The following SHISA4 variants were observed in gnomAD, a reference collection of about 807,000 sequenced individuals.
The protein encoded by SHISA4 is protein shisa-4.
Under a neutral mutation model 24.2 loss-of-function variants are expected in SHISA4, and 16 were observed. The observed-to-expected ratio is 0.66, with a 90% CI of 0.45 to 1.00. SHISA4 has a LOEUF of 1.00. Ranked by LOEUF, SHISA4 falls within the 50% of genes least tolerant of loss-of-function variation. SHISA4 has a pLI of 0.00. For missense variants in SHISA4, 238 were observed against 258.9 expected, an observed-to-expected ratio of 0.92 and a Z score of 0.55; for synonymous variants, 106 against 105.4, an observed-to-expected ratio of 1.01 and a Z score of -0.04.
In SHISA4 at chr1:201,891,826, C is replaced by T; in HGVS notation, c.574C>T (p.Pro192Ser). 2 of 1,614,120 alleles carry T rather than the reference C, an allele frequency of 1.2e-6. No individual in the cohort carries two copies. The highest frequency in any genetic ancestry group is 1.7e-6 in the Non-Finnish European group (2 of 1,179,996). Reference protein sequence around the residue: ...AAPPPYMPPQPSYPGA With the variant: ...AAPPPYMPPQSSYPGA Reference sequence around the variant, plus strand: ...TCCTCCTCCCTATATGCCACCACAGCCCTCTTACCCGGGAGCCTGAGGAAC... The same window carrying T: ...TCCTCCTCCCTATATGCCACCACAGTCCTCTTACCCGGGAGCCTGAGGAAC... Residue 192 changes from proline to serine, a missense_variant, in exon 5 of 5, where the codon CCC (proline) becomes TCC (serine). Coordinates refer to ENST00000362011, the MANE Select transcript of SHISA4 (RefSeq NM_198149.3).
At chr1:201,889,670 C>T in intron 2 of SHISA4, 54 bp downstream of exon 2, 1 of 1,581,030 alleles carries the variant, frequency 6.3e-7, no homozygotes, top group South Asian at 1.1e-5. Context: ...TCTCCAGAGG[C>T]CTCCTCTTCC....
At position 201,891,422 on chromosome 1, in the gene SHISA4, G is replaced by T. The variant is rs745916218; in HGVS notation, c.401G>T (p.Gly134Val). 6.2e-7 allele frequency: 1 copy of T among 1,613,794 alleles called. No homozygotes were observed. The highest frequency in any genetic ancestry group is 8.5e-7 in the Non-Finnish European group (1 of 1,179,894). ...CTAGGCCAGGAGATTCCAATGACAG[G>T]CATCCCAGTGCAGCCAGTATACCCA... ...PFEGQEIPMT[G>V]IPVQPVYPYP... The change falls in exon 4 of 5, where the codon GGC becomes GTC. Residue 134 changes from glycine to valine, a missense_variant. Gly to Val is a moderately radical substitution (Grantham distance 109). Transcript: ENST00000362011.
chr1:201,891,293 G>C, intron 3 of SHISA4, 108 bp from the exon 4 acceptor site: 6 of 1,379,396 alleles, frequency 4.3e-6, no homozygotes, highest in Non-Finnish European at 6.1e-6. Context: ...CCAGCCTGGA[G>C]CTTGCCAGAG....
At position 201,891,917 on chromosome 1, in the gene SHISA4, A is replaced by C. The variant is rs1392657477; in HGVS notation, c.*71A>C. The stretch of plus-strand genomic sequence containing the variant: ...GGAGATGCCCTCATCCTGTACCTGC[A>C]TCTGGTCCTGGGGGTGGCAGGAGTC... On this transcript the variant is annotated 3_prime_UTR_variant, in exon 5 of 5. Coordinates refer to ENST00000362011, the MANE Select transcript of SHISA4 (RefSeq NM_198149.3). 1 of 1,577,150 alleles carries C rather than the reference A, an allele frequency of 6.3e-7. No individual in the cohort carries two copies. Among genetic ancestry groups the C allele is most frequent in the East Asian group, 2.2e-5 (1 of 44,664 alleles).
At chr1:201,890,303 A>G in intron 2 of SHISA4, 151 bp from the exon 3 acceptor site, 1 of 1,004,852 alleles carries the variant, frequency 1.0e-6, no homozygotes, top group South Asian at 1.6e-5. Context: ...GTCCTCTAAG[A>G]TCTCCTTCAC....
At chr1:201,888,695 C>T (rs947482772), upstream of SHISA4, 4 of 312,746 alleles carry the variant, frequency 1.3e-5, no homozygotes, top group Non-Finnish European at 1.8e-5. Flanking sequence ...CATGGTGGCT[C>T]GGATGGGAGG....
chr1:201,889,648 C>G (rs1571567088), intron 2 of SHISA4, 32 bp downstream of exon 2: 1 of 1,609,938 alleles, frequency 6.2e-7, no homozygotes, highest in Non-Finnish European at 8.5e-7. Context: ...CTCACCACCT[C>G]CTCTATCCTT....
rs1238841379 is a variant in SHISA4 at position 201,892,051 on chromosome 1, G to A, written c.*205G>A. 9.9e-6 allele frequency: 6 copies of A among 608,496 alleles called. No homozygotes were observed. The Admixed American group carries it at 1.2e-4, about 12-fold the overall frequency. 37.7% of individuals were successfully genotyped at this position (608,496 alleles called of 1,614,324 possible). ...TAGAACTATGAGGGGTTGGGGGGAG[G>A]GCTTGGAATTATGGGCTATTTTTAC... On this transcript the variant is annotated 3_prime_UTR_variant, in exon 5 of 5. Coordinates refer to ENST00000362011, the MANE Select transcript of SHISA4 (RefSeq NM_198149.3).
At chr1:201,889,153 T>C (rs2102901465) in intron 1 of SHISA4, 86 bp downstream of exon 1, 2 of 1,245,320 alleles carry the variant, frequency 1.6e-6, no homozygotes, top group Admixed American at 3.0e-5. Context: ...GGCTCGGGGC[T>C]TCTCCGAGAC....
In SHISA4 at chr1:201,891,796, T is replaced by C; in HGVS notation, c.548-4T>C. 2.5e-6 allele frequency: 4 copies of C among 1,614,088 alleles called. No homozygotes were observed. The highest frequency in any genetic ancestry group is 2.5e-6 in the Non-Finnish European group (3 of 1,179,998). On this transcript the variant is annotated splice_region_variant and splice_polypyrimidine_tract_variant and intron_variant, in intron 4 of 4. Transcript: ENST00000362011. ...CACCCTCATCCTGTCTCTTTGGCTT[T>C]CAGCTCCTCCTCCCTATATGCCACC...
At chr1:201,889,644 A>G (rs1168264615) in intron 2 of SHISA4, 28 bp downstream of exon 2, 4 of 1,606,222 alleles carry the variant, frequency 2.5e-6, no homozygotes, top group African/African-American at 2.7e-5. Context: ...CACCCTCACC[A>G]CCTCCTCTAT....
chr1:201,888,976 G>T lies in SHISA4; in HGVS notation c.-19G>T. On this transcript the variant is annotated 5_prime_UTR_variant, in exon 1 of 5. Transcript: ENST00000362011. ...CCCTTCTCTGGGAGGCCCGACCCCG[G>T]CCGCGCCCAGCCCCCACCATGCCAC... The T allele has an allele frequency of 1.4e-6, 2 of 1,380,240 alleles. No individual in the cohort carries two copies. The highest frequency in any genetic ancestry group is 1.9e-6 in the Non-Finnish European group (2 of 1,064,728). The allele number at this position is 1,380,240 out of a possible 1,614,324, so 85.5% of individuals were successfully genotyped here.
At position 201,889,002 on chromosome 1, in the gene SHISA4, C is replaced by T. The variant is rs1292799931; in HGVS notation, c.8C>T (p.Pro3Leu). ...CCGCGCCCAGCCCCCACCATGCCACCCGCGGGGCTCCGCCGGGCCGCGCCG... is the reference window on the plus strand; with the variant it reads ...CCGCGCCCAGCCCCCACCATGCCACTCGCGGGGCTCCGCCGGGCCGCGCCG... MP[P>L]AGLRRAAPLT... The change falls in exon 1 of 5, where the codon CCC becomes CTC. Residue 3 changes from proline (P) to leucine (L), a missense_variant. Physicochemically the swap from Pro to Leu is moderately conservative, Grantham distance 98. Transcript: ENST00000362011. 2.2e-6 allele frequency: 3 copies of T among 1,388,392 alleles called. No individual in the cohort carries two copies. Among genetic ancestry groups the T allele is most frequent in the Non-Finnish European group, 2.8e-6 (3 of 1,070,216 alleles). The allele number at this position is 1,388,392 out of a possible 1,614,324, so 86.0% of individuals were successfully genotyped here.
At chr1:201,891,656 C>T (rs1233459347) in intron 4 of SHISA4, 88 bp downstream of exon 4, 1 of 1,536,018 alleles carries the variant, frequency 6.5e-7, no homozygotes, top group Non-Finnish European at 8.9e-7. Flanking sequence ...TTCTCAGATT[C>T]CCTCTCCCAG....
rs1681110826 is a variant in SHISA4 at position 201,892,042 on chromosome 1, T to G, written c.*196T>G. 1.6e-6 allele frequency: 1 copy of G among 622,846 alleles called. No homozygotes were observed. Among genetic ancestry groups the G allele is most frequent in the Non-Finnish European group, 2.8e-6 (1 of 355,060 alleles). 38.6% of individuals were successfully genotyped at this position (622,846 alleles called of 1,614,324 possible). A position where few individuals can be genotyped will look rare whatever the true frequency, so the allele number is the denominator to read the frequency against. ...GAGCTGAACTAGAACTATGAGGGGTTGGGGGGAGGGCTTGGAATTATGGGC... is the reference window on the plus strand; with the variant it reads ...GAGCTGAACTAGAACTATGAGGGGTGGGGGGGAGGGCTTGGAATTATGGGC... On this transcript the variant is annotated 3_prime_UTR_variant, in exon 5 of 5. Coordinates refer to ENST00000362011, the MANE Select transcript of SHISA4 (RefSeq NM_198149.3).
At position 201,890,611 on chromosome 1, in the gene SHISA4, G is replaced by A. The variant is rs370229118; in HGVS notation, c.379+24G>A. The A allele has an allele frequency of 4.3e-6, 7 of 1,612,942 alleles. No homozygotes were observed. The East Asian group carries it at 1.6e-4, about 36-fold the overall frequency. On this transcript the variant is annotated intron_variant, in intron 3 of 4. Transcript: ENST00000362011. The stretch of plus-strand genomic sequence containing the variant: ...AGGTACACCCAGTACTGGGCAAGAA[G>A]GGCCTCAGATGGGCTGGGCTAAGTC...
intron 1 of SHISA4, 75 bp downstream of exon 1, chr1:201,889,142 G>C (rs1423812052): frequency 1.5e-6 from 2 of 1,305,514 alleles, no homozygotes; most frequent in African/African-American, 3.0e-5. Flanking sequence ...CGAGGGGCTT[G>C]GGCTCGGGGC....
chr1:201,890,534 G>C lies in SHISA4; in HGVS notation c.326G>C (p.Cys109Ser). ...VVATTICCFL[C>S]SCCYLYRRRQ... ...GCCACCACCATCTGCTGCTTCCTCT[G>C]TTCCTGTTGCTACCTGTACCGCCGG... The change falls in exon 3 of 5, where the codon TGT (cysteine) becomes TCT (serine). Residue 109 changes from cysteine to serine, a missense_variant. Physicochemically the swap from Cys to Ser is moderately radical, Grantham distance 112. Transcript: ENST00000362011. 6.2e-7 allele frequency: 1 copy of C among 1,614,234 alleles called. No homozygotes were observed. Among genetic ancestry groups the C allele is most frequent in the Non-Finnish European group, 8.5e-7 (1 of 1,180,050 alleles).
intron 3 of SHISA4, among the ~76,000 whole-genome samples, chr1:201,890,914 G>A (rs1439795191): frequency 6.6e-6 from 1 of 152,216 alleles, no homozygotes; most frequent in East Asian, 1.9e-4. Flanking sequence ...GGTCAGGTCT[G>A]TAGTGATGAA....
Sources: allele counts gnomAD v4.1 joint callset (sites outside exome capture counted in the v4.1 genomes callset), GRCh38; gene constraint gnomAD v4.1.1; transcripts MANE v1.5; gene names NCBI Gene and HGNC (gene_info 2026-07-23, HGNC 2026-07-21).